The following CLSTN1 variants were observed in gnomAD, a reference collection of about 807,000 sequenced individuals.
CLSTN1 encodes the protein calsyntenin-1.
A neutral mutation model predicts 108.3 loss-of-function variants in CLSTN1; 28 were observed. The ratio of observed to expected loss-of-function variants is 0.26; its 90% confidence interval spans 0.19 to 0.35. The LOEUF is 0.35. Ranked by LOEUF, CLSTN1 falls within the 10% of genes least tolerant of loss-of-function variation. The probability of loss-of-function intolerance (pLI) is 1.00; values close to 1 mark genes in which losing one functional copy is unlikely to be tolerated. For missense variants in CLSTN1, 1,157 were observed against 1,302.6 expected, an observed-to-expected ratio of 0.89 and a Z score of 1.72; for synonymous variants, 524 against 534.9, an observed-to-expected ratio of 0.98 and a Z score of 0.28.
chr1:9,775,417 T>G (rs1652887650), intron 1 of CLSTN1, among the ~76,000 whole-genome samples: 1 of 151,944 alleles, frequency 6.6e-6, no homozygotes, highest in African/African-American at 2.4e-5. Flanking sequence ...GAACTGCTAC[T>G]TTTGCTTTTC....
chr1:9,823,525 C>T lies in CLSTN1; in HGVS notation c.91+118G>A, dbSNP rs2101370148. On this transcript the variant is annotated intron_variant, in intron 1 of 18. Coordinates refer to ENST00000377298, the MANE Select transcript of CLSTN1 (RefSeq NM_001009566.3). The surrounding 1 kb of genome is among the most constrained non-coding windows in gnomAD (Gnocchi z 6.3). ...CGACTCCCCGCATCCCGGCTCGAATCCCGGCATCCGGCCCTACTCCCGCAC... is the reference window on the plus strand; with the variant it reads ...CGACTCCCCGCATCCCGGCTCGAATTCCGGCATCCGGCCCTACTCCCGCAC... 1 of 554,188 alleles carries T rather than the reference C, an allele frequency of 1.8e-6. No homozygotes were observed. The highest frequency in any genetic ancestry group is 8.8e-5 in the East Asian group (1 of 11,398). 34.3% of individuals were successfully genotyped at this position (554,188 alleles called of 1,614,324 possible). A position where few individuals can be genotyped will look rare whatever the true frequency, so the allele number is the denominator to read the frequency against.
At chr1:9,760,715 GGT>G (rs1269672590) in intron 2 of CLSTN1, among the ~76,000 whole-genome samples, 1 of 125,074 alleles carries the variant, frequency 8.0e-6, no homozygotes, top group Non-Finnish European at 1.6e-5. Flanking sequence ...TTTGGCTACA[GGT>G]GAGGTTTCAC....
chr1:9,756,540 G>A (rs751422287), intron 2 of CLSTN1, 30 bp from the exon 3 acceptor site: 28 of 1,598,522 alleles, frequency 1.8e-5, no homozygotes, highest in Non-Finnish European at 2.0e-5. Flanking sequence ...GCCCATGTCA[G>A]TAATACAGGA....
intron 1 of CLSTN1, among the ~76,000 whole-genome samples, chr1:9,786,003 C>G (rs1557714431): frequency 1.3e-5 from 2 of 151,832 alleles, no homozygotes; most frequent in Non-Finnish European, 2.9e-5. Flanking sequence ...TGATAAAACC[C>G]TGTCTCTACA....
intron 7 of CLSTN1, among the ~76,000 whole-genome samples, chr1:9,745,228 C>CAAAAAAAAAAAAA: frequency 9.1e-6 from 1 of 109,422 alleles, no homozygotes; most frequent in Non-Finnish European, 2.0e-5. Context: ...GACTCCGTCT[C>CAAAAAAAAAAAAA]AAAAAAAAAA....
chr1:9,813,341 T>C (rs962442673), intron 1 of CLSTN1, among the ~76,000 whole-genome samples: 1 of 151,178 alleles, frequency 6.6e-6, no homozygotes, highest in African/African-American at 2.4e-5. Context: ...CTACTAAAAG[T>C]ACAAAAAATT....
intron 1 of CLSTN1, among the ~76,000 whole-genome samples, chr1:9,811,802 G>GT (rs80185570): frequency 0.083 from 12,459 of 150,834 alleles, 607 homozygotes; most frequent in South Asian, 0.2. Flanking sequence ...TACTAATTCT[G>GT]TAAGTAATAA....
chr1:9,750,611 C>T (rs933255976), intron 5 of CLSTN1, among the ~76,000 whole-genome samples: 13 of 150,254 alleles, frequency 8.7e-5, no homozygotes, highest in African/African-American at 3.0e-4. Flanking sequence ...ACTAGCGAGG[C>T]TGTGGCGGGA....
At chr1:9,809,511 T>C (rs1277467552) in intron 1 of CLSTN1, among the ~76,000 whole-genome samples, 7 of 152,254 alleles carry the variant, frequency 4.6e-5, no homozygotes. Context: ...CCAGGCAGGG[T>C]GGCTCATGCC....
chr1:9,787,909 T>A (rs926539422), intron 1 of CLSTN1, among the ~76,000 whole-genome samples: 1 of 151,190 alleles, frequency 6.6e-6, no homozygotes, highest in Non-Finnish European at 1.5e-5. Context: ...CTATTTCCCC[T>A]CCCCCAGCCC....
intron 1 of CLSTN1, among the ~76,000 whole-genome samples, chr1:9,774,116 A>G (rs556066292): frequency 1.1e-4 from 16 of 151,946 alleles, no homozygotes; most frequent in African/African-American, 3.6e-4. Flanking sequence ...CAGCTCACTC[A>G]CTCATTAAAC....
chr1:9,758,426 G>A (rs1208660745), intron 2 of CLSTN1, among the ~76,000 whole-genome samples: 2 of 152,122 alleles, frequency 1.3e-5, no homozygotes, highest in Non-Finnish European at 1.5e-5. Context: ...CGATTCTCAT[G>A]CCTCAGCCTC....
intron 6 of CLSTN1, 24 bp downstream of exon 6, chr1:9,749,740 C>T (rs760537471): frequency 8.1e-6 from 13 of 1,612,962 alleles, no homozygotes; most frequent in East Asian, 4.5e-5. Flanking sequence ...CAGATGTGAG[C>T]GCAGGGGAGA....
At position 9,744,514 on chromosome 1, in the gene CLSTN1, C is replaced by G; in HGVS notation, c.1115G>C (p.Arg372Thr). The G allele has an allele frequency of 6.2e-7, 1 of 1,613,350 alleles. No homozygotes were observed. The highest frequency in any genetic ancestry group is 1.1e-5 in the South Asian group (1 of 91,050). The change falls in exon 8 of 19, where the codon AGG becomes ACG. Residue 372 changes from arginine (R) to threonine (T), a missense_variant. By Grantham distance (71) the Arg-to-Thr change is moderately conservative (BLOSUM62 -1). Coordinates refer to ENST00000377298, the MANE Select transcript of CLSTN1 (RefSeq NM_001009566.3). ...VFEFNGTQAV[R>T]IPDGVVSVSP... ...GACCGACACGACGCCATCCGGGATC[C>G]TCACTGCCTGGGTGCCGTTGAACTC...
chr1:9,766,433 G>A (rs1446364339), intron 2 of CLSTN1, among the ~76,000 whole-genome samples: 1 of 152,146 alleles, frequency 6.6e-6, no homozygotes, highest in African/African-American at 2.4e-5. Context: ...CCAAGGCGGA[G>A]GATCACTTGA....
At chr1:9,813,016 T>C (rs989691370) in intron 1 of CLSTN1, among the ~76,000 whole-genome samples, 2 of 147,126 alleles carry the variant, frequency 1.4e-5, no homozygotes, top group Admixed American at 6.8e-5. Context: ...ATACAAAAAT[T>C]AGCCAGGCAT....
intron 5 of CLSTN1, 145 bp downstream of exon 5, chr1:9,751,328 C>T: frequency 2.9e-6 from 2 of 701,212 alleles, no homozygotes; most frequent in Non-Finnish European, 4.7e-6. Flanking sequence ...AATGTTTTTA[C>T]AATTAAAAGC....
chr1:9,819,000 T>C (rs1655093940), intron 1 of CLSTN1, among the ~76,000 whole-genome samples: 3 of 151,596 alleles, frequency 2.0e-5, no homozygotes, highest in Admixed American at 2.0e-4. Context: ...TTCACCGTGT[T>C]AGCCAGGATG....
At chr1:9,769,717 T>C (rs1240233743) in intron 2 of CLSTN1, among the ~76,000 whole-genome samples, 1 of 152,156 alleles carries the variant, frequency 6.6e-6, no homozygotes, top group Admixed American at 6.6e-5. Flanking sequence ...TTTTGGAACA[T>C]TCTAAAACTC....
Sources: allele counts gnomAD v4.1 joint callset (sites outside exome capture counted in the v4.1 genomes callset), GRCh38; gene constraint gnomAD v4.1.1; non-coding constraint Gnocchi (gnomAD v3.1); transcripts MANE v1.5; gene names NCBI Gene and HGNC (gene_info 2026-07-23, HGNC 2026-07-21).